The following FAM200B variants were observed in gnomAD, a reference collection of about 807,000 sequenced individuals.
FAM200B encodes zinc finger BED-type containing 11.
In FAM200B, 32 loss-of-function variants were observed where a neutral mutation model predicts 33.1. That is an observed-to-expected ratio of 0.97 (90% CI 0.73 to 1.30). The LOEUF (loss-of-function observed/expected upper bound fraction) is 1.30. FAM200B is among the 50% of genes most tolerant of loss of function. The pLI is 0.00. For synonymous variants in FAM200B, 240 were observed against 264.8 expected, an observed-to-expected ratio of 0.91 and a Z score of 0.91; for missense variants, 741 against 754.0, an observed-to-expected ratio of 0.98 and a Z score of 0.20.
chr4:15,664,107 T>C, the FAM200B span, among the ~76,000 whole-genome samples: 3 of 152,246 alleles, frequency 2.0e-5, no homozygotes, highest in African/African-American at 7.2e-5. Flanking sequence ...AGAGCTTCTA[T>C]CTTTTTAGGT....
At chr4:15,681,601 C>A (rs1718280218), upstream of FAM200B, 1 of 152,530 alleles carries the variant, frequency 6.6e-6, no homozygotes, top group African/African-American at 2.4e-5. Flanking sequence ...GAGTCGTTAC[C>A]GCCCTGGCAT....
the FAM200B span, chr4:15,638,695 CTAAAT>C: frequency 2.6e-6 from 4 of 1,566,538 alleles, no homozygotes; most frequent in Non-Finnish European, 3.5e-6. Context: ...GCTGAAAAAC[CTAAAT>C]TAAACAAAAT....
chr4:15,646,502 A>C, the FAM200B span, among the ~76,000 whole-genome samples: 2 of 151,580 alleles, frequency 1.3e-5, no homozygotes, highest in African/African-American at 4.8e-5. Context: ...CCTTAGTAGA[A>C]GCAGGGTACA....
the FAM200B span, among the ~76,000 whole-genome samples, chr4:15,645,930 C>T: frequency 6.6e-6 from 1 of 151,970 alleles, no homozygotes; most frequent in African/African-American, 2.4e-5. Context: ...TTCTTTGGTA[C>T]CTGGGATATA....
At chr4:15,673,092 G>A in the FAM200B span, among the ~76,000 whole-genome samples, 5 of 152,130 alleles carry the variant, frequency 3.3e-5, no homozygotes, top group Non-Finnish European at 7.4e-5. Flanking sequence ...GGATCTGTCT[G>A]AAGTTGTTTT....
chr4:15,681,722 C>G (rs1175071087), upstream of FAM200B: 1 of 152,854 alleles, frequency 6.5e-6, no homozygotes, highest in African/African-American at 2.4e-5. Context: ...GACACCGCCC[C>G]GGTCTCACGC....
the FAM200B span, among the ~76,000 whole-genome samples, chr4:15,665,324 C>T: frequency 6.6e-6 from 1 of 152,130 alleles, no homozygotes; most frequent in South Asian, 2.1e-4. Flanking sequence ...CGGTGTCAGG[C>T]ATCTTAGCCA....
chr4:15,638,479 A>G, the FAM200B span: 5 of 1,512,836 alleles, frequency 3.3e-6, no homozygotes, highest in Admixed American at 4.4e-5. Flanking sequence ...TACAACTAAT[A>G]AATTGTTCTT....
the FAM200B span, among the ~76,000 whole-genome samples, chr4:15,670,373 C>T: frequency 6.6e-6 from 1 of 152,210 alleles, no homozygotes; most frequent in Non-Finnish European, 1.5e-5. Flanking sequence ...GTTTTGCATT[C>T]TTCATCCTTG....
the FAM200B span, among the ~76,000 whole-genome samples, chr4:15,643,761 A>G: frequency 6.6e-6 from 1 of 152,234 alleles, no homozygotes. Context: ...TAAAGTGTTT[A>G]TTCATTCTAA....
chr4:15,684,213 C>G (rs1053107608), intron 1 of FAM200B, among the ~76,000 whole-genome samples: 1 of 152,190 alleles, frequency 6.6e-6, no homozygotes, highest in Non-Finnish European at 1.5e-5. Flanking sequence ...GTTATGGAAT[C>G]ACACTGGTGT....
the FAM200B span, among the ~76,000 whole-genome samples, chr4:15,662,627 C>A: frequency 1.3e-5 from 2 of 152,300 alleles, no homozygotes; most frequent in African/African-American, 4.8e-5. Flanking sequence ...GTGAGCCTCT[C>A]GTCACCATTC....
At position 15,687,503 on chromosome 4, in the gene FAM200B, T is replaced by A; in HGVS notation, c.526T>A (p.Leu176Met). Residue 176 changes from leucine to methionine, a missense_variant, in exon 2 of 2, where the codon TTG (leucine) becomes ATG (methionine). Transcript: ENST00000422728. Reference protein sequence around the residue: ...AAEKIILPACLDMVRTIFDDK... With the variant: ...AAEKIILPACMDMVRTIFDDK... ...TGAAAAAATTATTCTTCCAGCATGTTTGGATATGGTGCGTACAATATTTGA... is the reference window on the plus strand; with the variant it reads ...TGAAAAAATTATTCTTCCAGCATGTATGGATATGGTGCGTACAATATTTGA... 6.4e-7 allele frequency: 1 copy of A among 1,551,104 alleles called. No individual in the cohort carries two copies. The highest frequency in any genetic ancestry group is 2.4e-5 in the East Asian group (1 of 40,880).
At chr4:15,654,765 G>T in the FAM200B span, among the ~76,000 whole-genome samples, 1 of 152,192 alleles carries the variant, frequency 6.6e-6, no homozygotes, top group Non-Finnish European at 1.5e-5. Context: ...ACAGGCCCGG[G>T]GGAGTGACGG....
the FAM200B span, chr4:15,655,246 TG>T: frequency 2.1e-6 from 3 of 1,443,120 alleles, no homozygotes; most frequent in Admixed American, 2.2e-5. Flanking sequence ...TCCGCCAGTG[TG>T]GGGCGGTGAA....
the FAM200B span, among the ~76,000 whole-genome samples, chr4:15,651,761 C>T: frequency 1.3e-5 from 2 of 151,874 alleles, no homozygotes; most frequent in Non-Finnish European, 2.9e-5. Flanking sequence ...CTTTTAATAC[C>T]CTTACCTGAA....
At chr4:15,680,193 C>T (rs1460964504), upstream of FAM200B, among the ~76,000 whole-genome samples, 3 of 151,736 alleles carry the variant, frequency 2.0e-5, no homozygotes, top group Non-Finnish European at 4.4e-5. Flanking sequence ...TTCTCATCTG[C>T]TTGTATCTCT....
rs777208470 is a variant in FAM200B at position 15,688,222 on chromosome 4, T to C, written c.1245T>C (p.His415=). 16 of 1,550,686 alleles carry C rather than the reference T, an allele frequency of 1.0e-5. No individual in the cohort carries two copies. Among genetic ancestry groups the C allele is most frequent in the Non-Finnish European group, 1.4e-5 (16 of 1,146,474 alleles). ...IHFFLIEKKS[H]LASIFEDDTW... ...TTTTTCTCATTGAAAAAAAATCTCA[T>C]TTGGCAAGTATTTTTGAAGATGATA... is the stretch of plus-strand genomic sequence containing the variant. Residue 415 remains histidine, a synonymous_variant, in exon 2 of 2, where the codon CAT becomes CAC. Coordinates refer to ENST00000422728, the MANE Select transcript of FAM200B (RefSeq NM_001145191.2).
chr4:15,655,515 G>T, the FAM200B span: 2 of 352,480 alleles, frequency 5.7e-6, no homozygotes, highest in Non-Finnish European at 8.0e-6. Flanking sequence ...TCTGCCTCCC[G>T]CCCCCACTCT....
Sources: allele counts gnomAD v4.1 joint callset (sites outside exome capture counted in the v4.1 genomes callset), GRCh38; gene constraint gnomAD v4.1.1; transcripts MANE v1.5; gene names NCBI Gene and HGNC (gene_info 2026-07-23, HGNC 2026-07-21).